ESR1: variants seen among roughly 807,000 people sequenced by gnomAD.
ESR1 encodes the protein estrogen receptor.
ESR1 carries 12 observed loss-of-function variants against 52.7 expected under a neutral mutation model. The observed-to-expected ratio is 0.23, with a 90% confidence interval of 0.15 to 0.37. The LOEUF (loss-of-function observed/expected upper bound fraction) is 0.37, where lower values mean the gene tolerates loss of function less well. Among genes scored for constraint, ESR1 ranks in the 10% least tolerant of loss-of-function variants. ESR1 has a pLI of 1.00. For synonymous variants in ESR1, 305 were observed against 316.8 expected (o/e 0.96, Z 0.39); for missense variants, 584 against 779.7 (o/e 0.75, Z 2.99).
exon 7 of ESR1, chr6:152,125,459 C>T: frequency 1.5e-6 from 2 of 1,343,790 alleles, no homozygotes; most frequent in Non-Finnish European, 2.0e-6. Context: ...GTAAATTAGT[C>T]TCTCTGGCCT....
chr6:151,777,157 G>A (rs1223469795), intron 2 of ESR1, among the ~76,000 whole-genome samples: 17 of 145,626 alleles, frequency 1.2e-4, no homozygotes, highest in Non-Finnish European at 1.9e-4. Context: ...TGCTCTTGTC[G>A]CCCAGCCTAG....
chr6:151,745,944 G>T (rs547496141), intron 2 of ESR1, among the ~76,000 whole-genome samples: 1 of 152,166 alleles, frequency 6.6e-6, no homozygotes, highest in Admixed American at 6.5e-5. Context: ...CTGTTTCTGT[G>T]AATTTTACTA....
intron 3 of ESR1, among the ~76,000 whole-genome samples, chr6:151,925,719 A>G (rs563567677): frequency 6.6e-6 from 1 of 151,952 alleles, no homozygotes; most frequent in South Asian, 2.1e-4. Context: ...TTTATCAGCC[A>G]TGTGTTTCAC....
intron 5 of ESR1, among the ~76,000 whole-genome samples, chr6:152,040,713 G>C (rs1452469293): frequency 6.6e-6 from 1 of 152,178 alleles, no homozygotes; most frequent in Non-Finnish European, 1.5e-5. Context: ...TGCTGCAGCT[G>C]TCCACTTTTG....
chr6:151,876,545 C>A (rs1006226332), intron 2 of ESR1, among the ~76,000 whole-genome samples: 3 of 152,160 alleles, frequency 2.0e-5, no homozygotes, highest in African/African-American at 7.2e-5. Flanking sequence ...TGCAGACTTT[C>A]TGTGTAATGA....
chr6:151,705,624 A>G (rs1281696305), intron 2 of ESR1, among the ~76,000 whole-genome samples: 1 of 152,186 alleles, frequency 6.6e-6, no homozygotes, highest in Non-Finnish European at 1.5e-5. Flanking sequence ...TCTATTTAGG[A>G]CAAATTACTT....
intron 1 of ESR1, among the ~76,000 whole-genome samples, chr6:151,691,984 A>G (rs914022382): frequency 5.3e-5 from 8 of 152,242 alleles, no homozygotes; most frequent in African/African-American, 1.7e-4. Context: ...AATAAAAACA[A>G]TGTAGGTAAA....
At chr6:151,941,973 T>C (rs1431061376) in intron 3 of ESR1, among the ~76,000 whole-genome samples, 3 of 152,244 alleles carry the variant, frequency 2.0e-5, no homozygotes, top group Non-Finnish European at 4.4e-5. Context: ...TTACTCACTA[T>C]ATAACCTGAT....
At chr6:151,899,820 C>T (rs1374790711) in intron 3 of ESR1, among the ~76,000 whole-genome samples, 4 of 151,650 alleles carry the variant, frequency 2.6e-5, no homozygotes, top group Non-Finnish European at 5.9e-5. Context: ...AGAGACGCTC[C>T]TCACTTCCTA....
chr6:151,820,936 G>T (rs1780460129), intron 1 of ESR1, among the ~76,000 whole-genome samples: 1 of 152,176 alleles, frequency 6.6e-6, no homozygotes, highest in Non-Finnish European at 1.5e-5. Flanking sequence ...GGGTAAAATT[G>T]TAGTGTAATT....
chr6:151,676,075 G>C (rs1293945), intron 1 of ESR1, among the ~76,000 whole-genome samples: 78,348 of 152,022 alleles, frequency 0.52, 20,517 homozygotes, highest in African/African-American at 0.61. Context: ...CCATAAAGAT[G>C]AGACTGCAGA....
chr6:152,010,117 C>A (rs944687338), intron 4 of ESR1, among the ~76,000 whole-genome samples: 3 of 152,092 alleles, frequency 2.0e-5, no homozygotes, highest in African/African-American at 7.2e-5. Flanking sequence ...GGGCCATAGA[C>A]TCTGAGGTCT....
chr6:151,904,471 G>A (rs543628627), intron 3 of ESR1, among the ~76,000 whole-genome samples: 27 of 151,966 alleles, frequency 1.8e-4, no homozygotes, highest in South Asian at 1.0e-3. Context: ...ATTTTGTTTC[G>A]TGGGGGATTC....
At chr6:151,683,458 CA>C (rs201266524) in intron 1 of ESR1, among the ~76,000 whole-genome samples, 6,274 of 101,766 alleles carry the variant, frequency 0.062, 110 homozygotes, top group South Asian at 0.089. Flanking sequence ...TTCATTTGAT[CA>C]AAAAAAAAAA....
chr6:151,956,843 A>ATATATATATATAAATATAAATATATATAT (rs2037003332), intron 4 of ESR1, among the ~76,000 whole-genome samples: 9 of 44,460 alleles, frequency 2.0e-4, no homozygotes, highest in African/African-American at 6.7e-4. Flanking sequence ...AATATAAATA[A>ATATATATATATAAATATAAATATATATAT]ATATATATAT....
At chr6:152,108,883 A>C (rs2051098690) in intron 6 of ESR1, among the ~76,000 whole-genome samples, 1 of 152,218 alleles carries the variant, frequency 6.6e-6, no homozygotes, top group African/African-American at 2.4e-5. Flanking sequence ...GCTACAAAGA[A>C]ATACCTGAGC....
intron 3 of ESR1, among the ~76,000 whole-genome samples, chr6:151,934,087 C>A (rs192118711): frequency 2.1e-4 from 32 of 152,248 alleles, no homozygotes; most frequent in African/African-American, 7.2e-4. Context: ...GATTGGCCTC[C>A]CTTGTCTTAC....
intron 3 of ESR1, among the ~76,000 whole-genome samples, chr6:151,890,176 C>T (rs889532104): frequency 1.1e-4 from 16 of 151,918 alleles, no homozygotes; most frequent in African/African-American, 2.7e-4. Context: ...CCTCCGCCTC[C>T]TGGGTTCAAG....
intron 2 of ESR1, among the ~76,000 whole-genome samples, chr6:151,793,574 C>T (rs570934153): frequency 6.6e-6 from 1 of 152,252 alleles, no homozygotes; most frequent in Non-Finnish European, 1.5e-5. Context: ...AATAGGTTTG[C>T]TTACACCAGC....
Sources: allele counts gnomAD v4.1 joint callset (sites outside exome capture counted in the v4.1 genomes callset), GRCh38; gene constraint gnomAD v4.1.1; transcripts MANE v1.5; gene names NCBI Gene and HGNC (gene_info 2026-07-23, HGNC 2026-07-21).